The following MESP2 variants were observed in gnomAD, a reference collection of about 807,000 sequenced individuals.
MESP2 encodes mesoderm posterior bHLH transcription factor 2.
A neutral mutation model predicts 37.8 loss-of-function variants in MESP2; 34 were observed. That is an observed-to-expected ratio of 0.90 (90% CI 0.68 to 1.20). MESP2 has a LOEUF of 1.20. MESP2 is among the 50% of genes most tolerant of loss of function. The probability of loss-of-function intolerance (pLI) is 0.00; values close to 1 mark genes in which losing one functional copy is unlikely to be tolerated. For missense variants in MESP2, 646 were observed against 545.3 expected, an observed-to-expected ratio of 1.18 and a Z score of -1.84; for synonymous variants, 303 against 251.6, an observed-to-expected ratio of 1.20 and a Z score of -1.93.
chr15:89,777,358 T>A, intron 1 of MESP2, 77 bp downstream of exon 1: 1 of 1,451,336 alleles, frequency 6.9e-7, no homozygotes, highest in Non-Finnish European at 9.2e-7. Flanking sequence ...TCCCAGCTTA[T>A]CTACTCCAGG....
In MESP2 at chr15:89,776,367, T is replaced by C; in HGVS notation, c.10T>C (p.Ser4Pro). The change falls in exon 1 of 2, where the codon TCG becomes CCG. Residue 4 changes from serine to proline, a missense_variant. Physicochemically the swap from Ser to Pro is moderately conservative, Grantham distance 74 (BLOSUM62 -1). Transcript: ENST00000341735. MAQ[S>P]PPPQSLLGHD... ...AGCCTGCAGCCCGGCCATGGCCCAG[T>C]CGCCTCCTCCGCAGAGCCTCCTCGG... The C allele has an allele frequency of 6.5e-7, 1 of 1,531,934 alleles. No individual in the cohort carries two copies. The highest frequency in any genetic ancestry group is 8.7e-7 in the Non-Finnish European group (1 of 1,145,902). 94.9% of individuals were successfully genotyped at this position (1,531,934 alleles called of 1,614,324 possible). A position where few individuals can be genotyped will look rare whatever the true frequency, so the allele number is the denominator to read the frequency against.
At position 89,776,353 on chromosome 15, in the gene MESP2, C is replaced by G. The variant is rs1208475779; in HGVS notation, c.-5C>G. 10 of 1,531,162 alleles carry G rather than the reference C, an allele frequency of 6.5e-6. No homozygotes were observed. The Middle Eastern group carries it at 6.9e-4, about 106-fold the overall frequency. 94.8% of individuals were successfully genotyped at this position (1,531,162 alleles called of 1,614,324 possible). The stretch of plus-strand genomic sequence containing the variant: ...ACCCAGCCTCCCAGAGCCTGCAGCC[C>G]GGCCATGGCCCAGTCGCCTCCTCCG... On this transcript the variant is annotated 5_prime_UTR_variant, in exon 1 of 2. Coordinates refer to ENST00000341735, the MANE Select transcript of MESP2 (RefSeq NM_001039958.2).
Position 89,776,578 on chromosome 15 carries a change from C to G in MESP2, c.221C>G (p.Ala74Gly), listed in dbSNP as rs1178408310. Residue 74 changes from alanine to glycine, a missense_variant, in exon 1 of 2, where the codon GCG (alanine) becomes GGG (glycine). Physicochemically the swap from Ala to Gly is moderately conservative, Grantham distance 60. Coordinates refer to ENST00000341735, the MANE Select transcript of MESP2 (RefSeq NM_001039958.2). ...GCAGCCGCGACGACGCCCAGACGAG[C>G]GCGCACCGGACCAGCGGGCGGACAG... ...AEAAATTPRR[A>G]RTGPAGGQRQ... The G allele has an allele frequency of 2.6e-6, 4 of 1,530,856 alleles. No homozygotes were observed. The East Asian group carries it at 1.0e-4, about 38-fold the overall frequency. 94.8% of individuals were successfully genotyped at this position (1,530,856 alleles called of 1,614,324 possible).
Position 89,776,704 on chromosome 15 carries a change from G to GC in MESP2, c.349dup (p.Gln117ProfsTer250). 1 of 1,562,484 alleles carries GC rather than the reference G, an allele frequency of 6.4e-7. No homozygotes were observed. Among genetic ancestry groups the GC allele is most frequent in the Non-Finnish European group, 8.6e-7 (1 of 1,160,558 alleles). ...CTGCCTCCCTCCTTGGCGCCGGCCG[G>GC]CCAGAGCCTGACCAAGATCGAGACG... On this transcript the variant is annotated frameshift_variant, in exon 1 of 2. Transcript: ENST00000341735. LOFTEE classifies it high-confidence loss of function.
rs1968368746 is a variant in MESP2 at position 89,776,701 on chromosome 15, C to T, written c.344C>T (p.Ala115Val). 3 of 1,559,330 alleles carry T rather than the reference C, an allele frequency of 1.9e-6. No individual in the cohort carries two copies. Among genetic ancestry groups the T allele is most frequent in the Non-Finnish European group, 2.6e-6 (3 of 1,159,258 alleles). Residue 115 changes from alanine to valine, a missense_variant, in exon 1 of 2, where the codon GCC (alanine) becomes GTC (valine). By Grantham distance (64) the Ala-to-Val change is moderately conservative. Transcript: ENST00000341735. ...TTTCTGCCTCCCTCCTTGGCGCCGG[C>T]CGGCCAGAGCCTGACCAAGATCGAG... ...RRFLPPSLAP[A>V]GQSLTKIETL...
chr15:89,778,012 TCTGGATATCAGGGAGTAGCCCA>T (rs1202637259), intron 1 of MESP2, 31 bp from the exon 2 acceptor site: 6 of 1,610,860 alleles, frequency 3.7e-6, no homozygotes, highest in Non-Finnish European at 5.1e-6. Context: ...ATTCAAGATC[TCTGGATATCAGGGAGTAGCCCA>T]CTAACCAGGC....
Position 89,777,093 on chromosome 15 carries a change from T to TG in MESP2, c.739dup (p.Ala247GlyfsTer120). 6.2e-7 allele frequency: 1 copy of TG among 1,612,474 alleles called. No homozygotes were observed. The highest frequency in any genetic ancestry group is 8.5e-7 in the Non-Finnish European group (1 of 1,179,828). On this transcript the variant is annotated frameshift_variant, in exon 1 of 2. Coordinates refer to ENST00000341735, the MANE Select transcript of MESP2 (RefSeq NM_001039958.2). LOFTEE classifies it high-confidence loss of function. The stretch of plus-strand genomic sequence containing the variant: ...GAGGGGGGTCCACGACACGGATCCC[T>TG]GGGCAACACCCCCTTACTGCCCCAA...
At position 89,778,633 on chromosome 15, in the gene MESP2, G is replaced by A. The variant is rs899821216; in HGVS notation, c.*299G>A. ...CCCTAAAGGCAGCTGGGCAGGGACA[G>A]GTGGGAGAATGGGTGTAGGAGGCAG... On this transcript the variant is annotated 3_prime_UTR_variant, in exon 2 of 2. Transcript: ENST00000341735. The A allele has an allele frequency of 2.4e-5, 11 of 455,188 alleles. No homozygotes were observed. The highest frequency in any genetic ancestry group is 6.9e-5 in the South Asian group (3 of 43,374). The allele number at this position is 455,188 out of a possible 1,614,324, so 28.2% of individuals were successfully genotyped here. A position where few individuals can be genotyped will look rare whatever the true frequency, so the allele number is the denominator to read the frequency against.
rs773406154 is a variant in MESP2 at position 89,778,503 on chromosome 15, G to A, written c.*169G>A. The A allele has an allele frequency of 6.6e-4, 574 of 875,894 alleles. No homozygotes were observed. The highest frequency in any genetic ancestry group is 9.3e-4 in the South Asian group (60 of 64,692). 54.3% of individuals were successfully genotyped at this position (875,894 alleles called of 1,614,324 possible). A position where few individuals can be genotyped will look rare whatever the true frequency, so the allele number is the denominator to read the frequency against. Reference sequence around the variant, plus strand: ...AAATAGATAGCGGGTACCTTCCCTGGATGGAGTCAGGGCGGGGGCACTGTC... The same window carrying A: ...AAATAGATAGCGGGTACCTTCCCTGAATGGAGTCAGGGCGGGGGCACTGTC... On this transcript the variant is annotated 3_prime_UTR_variant, in exon 2 of 2. Coordinates refer to ENST00000341735, the MANE Select transcript of MESP2 (RefSeq NM_001039958.2).
chr15:89,776,350 G>T lies in MESP2; in HGVS notation c.-8G>T. On this transcript the variant is annotated 5_prime_UTR_variant, in exon 1 of 2. Transcript: ENST00000341735. Reference sequence around the variant, plus strand: ...CCAACCCAGCCTCCCAGAGCCTGCAGCCCGGCCATGGCCCAGTCGCCTCCT... The same window carrying T: ...CCAACCCAGCCTCCCAGAGCCTGCATCCCGGCCATGGCCCAGTCGCCTCCT... 1 of 1,531,030 alleles carries T rather than the reference G, an allele frequency of 6.5e-7. No homozygotes were observed. The highest frequency in any genetic ancestry group is 8.7e-7 in the Non-Finnish European group (1 of 1,145,590). 94.8% of individuals were successfully genotyped at this position (1,531,030 alleles called of 1,614,324 possible). A position where few individuals can be genotyped will look rare whatever the true frequency, so the allele number is the denominator to read the frequency against.
chr15:89,777,636 A>G (rs943242884), intron 1 of MESP2, among the ~76,000 whole-genome samples: 1 of 152,126 alleles, frequency 6.6e-6, no homozygotes, highest in Non-Finnish European at 1.5e-5. Context: ...TGGTGATTTC[A>G]AGTTTTCTTC....
chr15:89,776,337 C>T lies in MESP2; in HGVS notation c.-21C>T, dbSNP rs1332800254. On this transcript the variant is annotated 5_prime_UTR_variant, in exon 1 of 2. Coordinates refer to ENST00000341735, the MANE Select transcript of MESP2 (RefSeq NM_001039958.2). ...GGCCTGGAGGTGGCCAACCCAGCCT[C>T]CCAGAGCCTGCAGCCCGGCCATGGC... The T allele has an allele frequency of 1.3e-6, 2 of 1,530,658 alleles. No individual in the cohort carries two copies. Among genetic ancestry groups the T allele is most frequent in the Admixed American group, 2.0e-5 (1 of 50,766 alleles). The allele number at this position is 1,530,658 out of a possible 1,614,324, so 94.8% of individuals were successfully genotyped here.
chr15:89,778,517 G>A lies in MESP2; in HGVS notation c.*183G>A, dbSNP rs901287725. ...TACCTTCCCTGGATGGAGTCAGGGC[G>A]GGGGCACTGTCCTCCACTGCTAGAC... On this transcript the variant is annotated 3_prime_UTR_variant, in exon 2 of 2. Coordinates refer to ENST00000341735, the MANE Select transcript of MESP2 (RefSeq NM_001039958.2). The A allele has an allele frequency of 1.8e-5, 14 of 766,368 alleles. No homozygotes were observed. Among genetic ancestry groups the A allele is most frequent in the Admixed American group, 1.3e-4 (6 of 45,006 alleles). 47.5% of individuals were successfully genotyped at this position (766,368 alleles called of 1,614,324 possible).
In MESP2 at chr15:89,778,261, G is replaced by T; in HGVS notation, c.1121G>T (p.Gly374Val). Reference protein sequence around the residue: ...LSEASPPQSSGLRFSGCPELW... With the variant: ...LSEASPPQSSVLRFSGCPELW... Reference sequence around the variant, plus strand: ...GAAGCAAGCCCTCCCCAGAGCTCAGGCCTGCGGTTCAGTGGCTGCCCTGAA... The same window carrying T: ...GAAGCAAGCCCTCCCCAGAGCTCAGTCCTGCGGTTCAGTGGCTGCCCTGAA... The change falls in exon 2 of 2, where the codon GGC becomes GTC. Residue 374 changes from glycine to valine, a missense_variant. Gly to Val is a moderately radical substitution (Grantham distance 109). Transcript: ENST00000341735. The T allele has an allele frequency of 6.2e-7, 1 of 1,613,300 alleles. No individual in the cohort carries two copies.
intron 1 of MESP2, 106 bp downstream of exon 1, chr15:89,777,387 G>A: frequency 7.8e-7 from 1 of 1,279,366 alleles, no homozygotes; most frequent in Non-Finnish European, 1.0e-6. Context: ...ACGGAGGGGA[G>A]AATGGAAGGA....
chr15:89,778,284 G>A lies in MESP2; in HGVS notation c.1144G>A (p.Glu382Lys). ...AGGCCTGCGGTTCAGTGGCTGCCCT[G>A]AACTTTGGCAAGAAGATCTGGAGGG... ...SSGLRFSGCP[E>K]LWQEDLEGAR... is the part of the protein sequence containing the mutation. The change falls in exon 2 of 2, where the codon GAA (glutamate) becomes AAA (lysine). Residue 382 changes from glutamate to lysine, a missense_variant. Physicochemically the swap from Glu to Lys is moderately conservative, Grantham distance 56 (BLOSUM62 1). Coordinates refer to ENST00000341735, the MANE Select transcript of MESP2 (RefSeq NM_001039958.2). 6.2e-7 allele frequency: 1 copy of A among 1,613,098 alleles called. No homozygotes were observed. Among genetic ancestry groups the A allele is most frequent in the Non-Finnish European group, 8.5e-7 (1 of 1,180,000 alleles).
Position 89,778,387 on chromosome 15 carries a change from C to A in MESP2, c.*53C>A. On this transcript the variant is annotated 3_prime_UTR_variant, in exon 2 of 2. Transcript: ENST00000341735. Reference sequence around the variant, plus strand: ...AGGAATCAGTCCTGTAGCTTGGGTGCCTCCTTATTTGTTAATTAGTGGCTT... The same window carrying A: ...AGGAATCAGTCCTGTAGCTTGGGTGACTCCTTATTTGTTAATTAGTGGCTT... The A allele has an allele frequency of 6.2e-7, 1 of 1,605,910 alleles. No homozygotes were observed. Among genetic ancestry groups the A allele is most frequent in the Non-Finnish European group, 8.5e-7 (1 of 1,174,206 alleles).
rs1298112927 is a variant in MESP2 at position 89,778,487 on chromosome 15, G to T, written c.*153G>T. ...AGGGAAGCAGTGTTTGAAATAGATA[G>T]CGGGTACCTTCCCTGGATGGAGTCA... On this transcript the variant is annotated 3_prime_UTR_variant, in exon 2 of 2. Transcript: ENST00000341735. 2.0e-6 allele frequency: 2 copies of T among 1,025,542 alleles called. No individual in the cohort carries two copies. Among genetic ancestry groups the T allele is most frequent in the African/African-American group, 1.6e-5 (1 of 62,762 alleles). 63.5% of individuals were successfully genotyped at this position (1,025,542 alleles called of 1,614,324 possible). A position where few individuals can be genotyped will look rare whatever the true frequency, so the allele number is the denominator to read the frequency against.
In MESP2 at chr15:89,778,522, C is replaced by T; in HGVS notation, c.*188C>T. On this transcript the variant is annotated 3_prime_UTR_variant, in exon 2 of 2. Transcript: ENST00000341735. Reference sequence around the variant, plus strand: ...TCCCTGGATGGAGTCAGGGCGGGGGCACTGTCCTCCACTGCTAGACACCCC... The same window carrying T: ...TCCCTGGATGGAGTCAGGGCGGGGGTACTGTCCTCCACTGCTAGACACCCC... 1 of 701,396 alleles carries T rather than the reference C, an allele frequency of 1.4e-6. No individual in the cohort carries two copies. Among genetic ancestry groups the T allele is most frequent in the Non-Finnish European group, 2.4e-6 (1 of 413,014 alleles). The allele number at this position is 701,396 out of a possible 1,614,324, so 43.4% of individuals were successfully genotyped here.
Sources: gnomAD v4.1 joint callset for allele counts (sites outside exome capture counted in the v4.1 genomes callset) on GRCh38, gnomAD v4.1.1 for gene constraint, MANE v1.5 for transcripts, NCBI Gene and HGNC (gene_info 2026-07-23, HGNC 2026-07-21) for gene names.